Variants in NPAS3 observed in about 807,000 individuals in gnomAD.
NPAS3 encodes the protein neuronal PAS domain protein 3, also known as neuronal PAS domain-containing protein 3.
NPAS3 carries 14 observed loss-of-function variants against 73.1 expected under a neutral mutation model. That is an observed-to-expected ratio of 0.19 (90% CI 0.13 to 0.30). The LOEUF is 0.30. Ranked by LOEUF, NPAS3 falls within the 10% of genes least tolerant of loss-of-function variation. The pLI, the probability that NPAS3 is intolerant of heterozygous loss-of-function variation, is 1.00. For synonymous variants in NPAS3, 620 were observed against 541.5 expected (o/e 1.14, Z -2.01); for missense variants, 1,096 against 1,250.0 (o/e 0.88, Z 1.86).
At chr14:33,300,884 T>A (rs2042502267) in intron 3 of NPAS3, among the ~76,000 whole-genome samples, 1 of 151,520 alleles carries the variant, frequency 6.6e-6, no homozygotes, top group Admixed American at 6.6e-5. Context: ...GGGACCTGAG[T>A]CCCCCAGCAC....
intron 2 of NPAS3, among the ~76,000 whole-genome samples, chr14:33,083,118 G>A (rs903864127): frequency 1.4e-5 from 2 of 139,286 alleles, no homozygotes; most frequent in South Asian, 4.7e-4. Context: ...GGGAGACAGA[G>A]GTTGCAGTGA....
At chr14:32,969,988 G>T (rs371537168) in intron 1 of NPAS3, among the ~76,000 whole-genome samples, 12 of 152,118 alleles carry the variant, frequency 7.9e-5, no homozygotes, top group African/African-American at 2.7e-4. Context: ...GCAAAGACTC[G>T]CTAGCTTCCA....
chr14:33,199,221 C>A (rs916763053), intron 2 of NPAS3, among the ~76,000 whole-genome samples: 1 of 152,198 alleles, frequency 6.6e-6, no homozygotes, highest in Non-Finnish European at 1.5e-5. Flanking sequence ...GCTCCTCAAG[C>A]GTGGCCAGAG....
intron 9 of NPAS3, 31 bp downstream of exon 9, chr14:33,778,603 C>T (rs1469250924): frequency 6.9e-6 from 10 of 1,443,088 alleles, no homozygotes; most frequent in East Asian, 4.5e-5. Context: ...GGAATAACCC[C>T]GGCTGGTGTC....
intron 3 of NPAS3, among the ~76,000 whole-genome samples, chr14:33,227,041 C>T (rs994683180): frequency 1.3e-5 from 2 of 152,006 alleles, no homozygotes. Context: ...ATGAAGATAA[C>T]ATTAAAAAAT....
intron 2 of NPAS3, among the ~76,000 whole-genome samples, chr14:33,183,833 C>T (rs1250826878): frequency 6.6e-6 from 1 of 152,102 alleles, no homozygotes. Flanking sequence ...TGCTTTTCTC[C>T]ACTCCTCCTA....
chr14:33,421,930 G>A (rs1181721624), intron 4 of NPAS3, among the ~76,000 whole-genome samples: 1 of 151,916 alleles, frequency 6.6e-6, no homozygotes, highest in East Asian at 1.9e-4. Flanking sequence ...AACTGGAGTA[G>A]TTTTTAATTT....
At chr14:33,596,087 G>A (rs977906046) in intron 5 of NPAS3, among the ~76,000 whole-genome samples, 7 of 152,170 alleles carry the variant, frequency 4.6e-5, no homozygotes, top group African/African-American at 1.7e-4. Flanking sequence ...TGGTAAACAA[G>A]GAAGTGTACG....
chr14:32,973,533 ATTTTTTTTTTT>A (rs71432099), intron 1 of NPAS3, among the ~76,000 whole-genome samples: 1 of 128,922 alleles, frequency 7.8e-6, no homozygotes, highest in African/African-American at 2.9e-5. Context: ...GTATATTTTG[ATTTTTTTTTTT>A]TTTTTTTTTA....
chr14:33,445,543 GA>G (rs1455423432), intron 4 of NPAS3, among the ~76,000 whole-genome samples: 3 of 152,014 alleles, frequency 2.0e-5, no homozygotes, highest in African/African-American at 7.2e-5. Context: ...TTATACAATT[GA>G]AAAAACATTT....
chr14:33,136,251 G>T (rs2139142142), intron 2 of NPAS3, among the ~76,000 whole-genome samples: 1 of 151,934 alleles, frequency 6.6e-6, no homozygotes, highest in Admixed American at 6.6e-5. Context: ...AGTAGAGACA[G>T]GGTTTCACCA....
intron 2 of NPAS3, among the ~76,000 whole-genome samples, chr14:33,089,387 G>T (rs1041660517): frequency 7.9e-5 from 12 of 152,192 alleles, no homozygotes; most frequent in African/African-American, 2.9e-4. Context: ...TCAACTGGAA[G>T]AAAGGATATC....
At chr14:33,205,056 ATAGT>A (rs536493395) in intron 2 of NPAS3, among the ~76,000 whole-genome samples, 8 of 152,194 alleles carry the variant, frequency 5.3e-5, no homozygotes, top group East Asian at 1.9e-4. Flanking sequence ...AGTCCAGCAA[ATAGT>A]TAGCCTCCAC....
chr14:33,314,780 G>T (rs1229392890), intron 3 of NPAS3, among the ~76,000 whole-genome samples: 1 of 151,960 alleles, frequency 6.6e-6, no homozygotes, highest in East Asian at 1.9e-4. Context: ...ATTTGGCCTG[G>T]TTTGCTCACT....
At position 33,004,817 on chromosome 14, in the gene NPAS3, C is replaced by CTTTTTTTTTTTTTTTTTTTTTTT; in HGVS notation, c.51-51069_51-51068insTTTTTTTTTTTTTTTTTTTTTTT. Among the ~76,000 whole-genome samples, 180 of 63,934 alleles carry CTTTTTTTTTTTTTTTTTTTTTTT rather than the reference C, an allele frequency of 2.8e-3. 19 individuals are homozygous for CTTTTTTTTTTTTTTTTTTTTTTT. The Middle Eastern group carries it at 0.034, about 12-fold the overall frequency. 41.9% of individuals were successfully genotyped at this position (63,934 alleles called of 152,430 possible). On this transcript the variant is annotated intron_variant, in intron 1 of 11. Coordinates refer to ENST00000356141, the Ensembl canonical transcript of NPAS3. ...CTTTTTTCTATTGTAAAAAGTTTTCCTTTTTTTTTTTTTTTTTTTAGTTTT... is the reference window on the plus strand; with the variant it reads ...CTTTTTTCTATTGTAAAAAGTTTTCCTTTTTTTTTTTTTTTTTTTTTTTTTTTTTTTTTTTTTTTTTTAGTTTT...
chr14:33,131,727 A>G (rs555375407), intron 2 of NPAS3, among the ~76,000 whole-genome samples: 111 of 152,194 alleles, frequency 7.3e-4, no homozygotes, highest in Non-Finnish European at 1.2e-3. Flanking sequence ...TAGTCTGCCA[A>G]TATTTGATAA....
chr14:33,399,170 A>G (rs2047345236), intron 4 of NPAS3, among the ~76,000 whole-genome samples: 1 of 152,172 alleles, frequency 6.6e-6, no homozygotes, highest in African/African-American at 2.4e-5. Context: ...TAATGATTTC[A>G]GAAGCATTGC....
chr14:33,178,583 G>A (rs954036839), intron 2 of NPAS3, among the ~76,000 whole-genome samples: 1 of 152,136 alleles, frequency 6.6e-6, no homozygotes, highest in East Asian at 1.9e-4. Context: ...TTTAGATGCT[G>A]TTATAAATGG....
Position 33,683,427 on chromosome 14 carries a change from CAAAAAAAAAAAAAA to C in NPAS3, c.733+7053_733+7066del, listed in dbSNP as rs1176606241. On this transcript the variant is annotated intron_variant, in intron 6 of 11. Transcript: ENST00000356141. ...AATTATGACCTGTTTTTCCTCATTT[CAAAAAAAAAAAAAA>C]AAAAAAAAAAGGTGGCCGTCTCTGT... is the stretch of plus-strand genomic sequence containing the variant. Among the ~76,000 whole-genome samples the C allele has an allele frequency of 1.3e-4, 10 of 77,524 alleles. No homozygotes were observed. In the East Asian group the frequency reaches 4.5e-3, roughly 35 times the overall value. 50.9% of individuals were successfully genotyped at this position (77,524 alleles called of 152,430 possible). A position where few individuals can be genotyped will look rare whatever the true frequency, so the allele number is the denominator to read the frequency against.
Sources: gnomAD v4.1 joint callset for allele counts (sites outside exome capture counted in the v4.1 genomes callset) on GRCh38, gnomAD v4.1.1 for gene constraint, MANE v1.5 for transcripts, NCBI Gene and HGNC (gene_info 2026-07-23, HGNC 2026-07-21) for gene names.